Variants in RGPD2 observed in about 807,000 individuals in gnomAD.
RGPD2 encodes RANBP2 like and GRIP domain containing 2.
RGPD2 carries 2 observed loss-of-function variants against 36.0 expected under a neutral mutation model. That is an observed-to-expected ratio of 0.06 (90% CI 0.02 to 0.17). The LOEUF is 0.17. RGPD2 is among the 10% of genes least tolerant of loss of function. The pLI is 1.00. For synonymous variants in RGPD2, 19 were observed against 163.8 expected, an observed-to-expected ratio of 0.12 and a Z score of 6.75; for missense variants, 40 against 464.3, an observed-to-expected ratio of 0.09 and a Z score of 8.40.
the RGPD2 span, among the ~76,000 whole-genome samples, chr2:87,933,687 T>C: frequency 6.7e-6 from 1 of 149,610 alleles, no homozygotes; most frequent in Admixed American, 6.7e-5. Context: ...GTTCTGAGTT[T>C]CTTTCCTCCA....
At chr2:87,807,380 GTTTTTT>G (rs992462711) in intron 6 of RGPD2, among the ~76,000 whole-genome samples, 6 of 81,966 alleles carry the variant, frequency 7.3e-5, no homozygotes, top group South Asian at 4.1e-4. Flanking sequence ...GCGTTAAATT[GTTTTTT>G]TTTTTTTTTT....
the RGPD2 span, among the ~76,000 whole-genome samples, chr2:87,984,830 T>C: frequency 6.6e-6 from 1 of 150,704 alleles, no homozygotes; most frequent in African/African-American, 2.5e-5. Context: ...CTCGGGAGGC[T>C]GAGGCAGGAA....
chr2:87,825,475 GTC>G (rs1686708156), intron 1 of RGPD2, among the ~76,000 whole-genome samples, 181 bp downstream of exon 1: 6 of 97,738 alleles, frequency 6.1e-5, no homozygotes, highest in South Asian at 3.8e-4. Context: ...CGAGGCCGCC[GTC>G]GCCGCCGCCG....
the RGPD2 span, among the ~76,000 whole-genome samples, chr2:87,976,501 T>C: frequency 6.6e-6 from 1 of 151,560 alleles, no homozygotes; most frequent in Non-Finnish European, 1.5e-5. Flanking sequence ...ACTTATTCCA[T>C]TACTTTGCTG....
At chr2:87,884,131 A>G in the RGPD2 span, among the ~76,000 whole-genome samples, 1 of 152,144 alleles carries the variant, frequency 6.6e-6, no homozygotes, top group African/African-American at 2.4e-5. Flanking sequence ...ACTGGAAATC[A>G]ATAACAGGAA....
At chr2:87,840,319 A>C in the RGPD2 span, among the ~76,000 whole-genome samples, 70 of 133,020 alleles carry the variant, frequency 5.3e-4, no homozygotes, top group African/African-American at 2.0e-3. Context: ...GAGGCAAGAA[A>C]GAATATTTTG....
At chr2:87,986,296 G>T in the RGPD2 span, among the ~76,000 whole-genome samples, 2 of 150,454 alleles carry the variant, frequency 1.3e-5, no homozygotes, top group Admixed American at 1.3e-4. Flanking sequence ...CACTGCCCCA[G>T]GCTAATTTTT....
the RGPD2 span, among the ~76,000 whole-genome samples, chr2:87,913,257 G>C: frequency 2.0e-5 from 3 of 151,386 alleles, no homozygotes; most frequent in African/African-American, 7.3e-5. Flanking sequence ...CATGGATAAA[G>C]TTGGAAACCA....
At chr2:87,988,541 AT>A in the RGPD2 span, among the ~76,000 whole-genome samples, 153 of 54,080 alleles carry the variant, frequency 2.8e-3, 5 homozygotes, top group African/African-American at 2.9e-3. Flanking sequence ...ATATATATAT[AT>A]TTTTTTTTTT....
intron 1 of RGPD2, chr2:87,825,262 T>G (rs1000804703): frequency 1.3e-5 from 5 of 393,006 alleles, no homozygotes; most frequent in Non-Finnish European, 1.8e-5. Context: ...CCAACTAACC[T>G]CAAAACAAAT....
At chr2:87,781,457 TTTTTTTG>T (rs1423266292) in intron 20 of RGPD2, among the ~76,000 whole-genome samples, 2 of 136,010 alleles carry the variant, frequency 1.5e-5, no homozygotes, top group African/African-American at 5.6e-5. Context: ...GTTTTTTTTG[TTTTTTTG>T]TTTTTTTTTT....
At chr2:87,984,936 A>G in the RGPD2 span, among the ~76,000 whole-genome samples, 13 of 146,864 alleles carry the variant, frequency 8.9e-5, no homozygotes, top group African/African-American at 3.1e-4. Flanking sequence ...TCTCAAAAAA[A>G]AAAAAAAAAA....
At chr2:87,917,523 A>G in the RGPD2 span, among the ~76,000 whole-genome samples, 3,294 of 31,552 alleles carry the variant, frequency 0.1, 282 homozygotes, top group Non-Finnish European at 0.14. Context: ...CTGGGATTTC[A>G]TTCAAGATAG....
chr2:87,939,620 T>C, the RGPD2 span, among the ~76,000 whole-genome samples: 1 of 151,896 alleles, frequency 6.6e-6, no homozygotes, highest in Admixed American at 6.6e-5. Context: ...AAGATGGTTA[T>C]TTATGGTGGG....
At chr2:87,913,000 G>T in the RGPD2 span, among the ~76,000 whole-genome samples, 1 of 151,822 alleles carries the variant, frequency 6.6e-6, no homozygotes, top group Non-Finnish European at 1.5e-5. Flanking sequence ...TGTTTAATTA[G>T]AAAATATATT....
At chr2:87,856,905 A>T in the RGPD2 span, among the ~76,000 whole-genome samples, 1 of 151,828 alleles carries the variant, frequency 6.6e-6, no homozygotes, top group Non-Finnish European at 1.5e-5. Context: ...TCCACATCAA[A>T]CAATAGGGCT....
chr2:87,849,093 G>A, the RGPD2 span, among the ~76,000 whole-genome samples: 2 of 151,904 alleles, frequency 1.3e-5, no homozygotes, highest in African/African-American at 2.4e-5. Flanking sequence ...AATATTTAAT[G>A]CCAAAACGAT....
the RGPD2 span, among the ~76,000 whole-genome samples, chr2:87,872,280 C>T: frequency 1.3e-5 from 2 of 151,610 alleles, no homozygotes. Flanking sequence ...ATCAAGAAAT[C>T]AATTAATAAT....
At chr2:87,975,112 G>T in the RGPD2 span, among the ~76,000 whole-genome samples, 1 of 152,166 alleles carries the variant, frequency 6.6e-6, no homozygotes, top group Middle Eastern at 3.4e-3. Context: ...GCTCATTCCT[G>T]GTCCAGGCTT....
Sources: gnomAD v4.1 joint callset for allele counts (sites outside exome capture counted in the v4.1 genomes callset) on GRCh38, gnomAD v4.1.1 for gene constraint, MANE v1.5 for transcripts, NCBI Gene and HGNC (gene_info 2026-07-23, HGNC 2026-07-21) for gene names.